The following ADGRV1 variants were observed in gnomAD, a reference collection of about 807,000 sequenced individuals.
ADGRV1 encodes the protein adhesion G protein-coupled receptor V1.
Under a neutral mutation model 596.2 loss-of-function variants are expected in ADGRV1, and 359 were observed. That is an observed-to-expected ratio of 0.60 (90% CI 0.55 to 0.66). ADGRV1 has a LOEUF of 0.66. Ranked by LOEUF, ADGRV1 falls within the 30% of genes least tolerant of loss-of-function variation. The pLI, the probability that ADGRV1 is intolerant of heterozygous loss-of-function variation, is 0.00. For missense variants in ADGRV1, 7,274 were observed against 7,575.6 expected, an observed-to-expected ratio of 0.96 and a Z score of 1.48; for synonymous variants, 2,681 against 2,679.2, an observed-to-expected ratio of 1.00 and a Z score of -0.02.
chr5:90,695,030 T>A (rs1747008596), intron 33 of ADGRV1, among the ~76,000 whole-genome samples: 1 of 152,144 alleles, frequency 6.6e-6, no homozygotes, highest in Non-Finnish European at 1.5e-5. Context: ...TAAGGGAAAT[T>A]TTAATAATGA....
chr5:91,003,440 C>G (rs1288716002), intron 85 of ADGRV1, among the ~76,000 whole-genome samples: 1 of 152,200 alleles, frequency 6.6e-6, no homozygotes, highest in Non-Finnish European at 1.5e-5. Flanking sequence ...CTGCTTAAAA[C>G]ACAGTCACTG....
At chr5:90,711,105 T>C (rs1489184105) in intron 40 of ADGRV1, 46 bp downstream of exon 40, 1 of 1,574,760 alleles carries the variant, frequency 6.4e-7, no homozygotes. Flanking sequence ...TTTCATATTA[T>C]TTACTATCTA....
chr5:90,635,074 T>A, intron 9 of ADGRV1, 40 bp from the exon 10 acceptor site: 1 of 1,340,700 alleles, frequency 7.5e-7, no homozygotes, highest in Non-Finnish European at 1.0e-6. Flanking sequence ...ATTTATATTC[T>A]ATCAATTCTT....
At chr5:91,148,370 C>T (rs1191982751) in intron 87 of ADGRV1, among the ~76,000 whole-genome samples, 1 of 152,144 alleles carries the variant, frequency 6.6e-6, no homozygotes, top group Non-Finnish European at 1.5e-5. Flanking sequence ...TCCAGGGCCC[C>T]GCTGCTGTGT....
At chr5:90,667,503 T>C (rs1031153252) in intron 21 of ADGRV1, among the ~76,000 whole-genome samples, 1 of 147,872 alleles carries the variant, frequency 6.8e-6, no homozygotes, top group African/African-American at 2.5e-5. Context: ...ATTCTAGTTA[T>C]ACATTCTTCT....
intron 29 of ADGRV1, among the ~76,000 whole-genome samples, chr5:90,686,786 C>T (rs1389481061): frequency 6.6e-6 from 1 of 152,142 alleles, no homozygotes; most frequent in East Asian, 1.9e-4. Flanking sequence ...TGAGGAATCG[C>T]CACGCTGACT....
At chr5:90,809,293 T>C (rs867908775) in intron 73 of ADGRV1, among the ~76,000 whole-genome samples, 1 of 134,538 alleles carries the variant, frequency 7.4e-6, no homozygotes, top group Admixed American at 7.6e-5. Context: ...CGGGCATAAA[T>C]ACACACACAC....
intron 83 of ADGRV1, among the ~76,000 whole-genome samples, chr5:90,916,114 C>T (rs557372126): frequency 6.6e-6 from 1 of 151,426 alleles, no homozygotes; most frequent in African/African-American, 2.4e-5. Context: ...TCATTGGCCT[C>T]TCACTGAGTA....
In ADGRV1 at chr5:90,694,124, T is replaced by G. The variant is rs754306434; in HGVS notation, c.7368T>G (p.Ser2456Arg). ...CTTGCTCAGCGTTTTCATTTTTCAG[T>G]GCTTCTGAGGGTCCCCAGTGTTTCT... ...EQACSAFSFF[S>R]ASEGPQCFWM... The change falls in exon 33 of 90, where the codon AGT (serine) becomes AGG (arginine). Residue 2456 changes from serine (S) to arginine (R), a missense_variant. Transcript: ENST00000405460. 6.2e-7 allele frequency: 1 copy of G among 1,613,822 alleles called. No individual in the cohort carries two copies. The highest frequency in any genetic ancestry group is 8.5e-7 in the Non-Finnish European group (1 of 1,179,826).
intron 83 of ADGRV1, among the ~76,000 whole-genome samples, chr5:90,948,744 G>T (rs556079228): frequency 6.6e-6 from 1 of 152,002 alleles, no homozygotes; most frequent in Non-Finnish European, 1.5e-5. Flanking sequence ...ATCATCTAAC[G>T]CAAAGTCTAT....
rs189135502 is a variant in ADGRV1, at chr5:90,698,947, G to C, written c.8155+1801G>C. Among the ~76,000 whole-genome samples the C allele has an allele frequency of 5.5e-4, 83 of 152,120 alleles. No individual in the cohort carries two copies. The Middle Eastern group carries it at 0.024, about 44-fold the overall frequency. On this transcript the variant is annotated intron_variant, in intron 34 of 89. Coordinates refer to ENST00000405460, the MANE Select transcript of ADGRV1 (RefSeq NM_032119.4). ...CAAAAAGGGGAGTTAGATCTCAAAT[G>C]GGCCAAATAAAACAGTGGCAATGGT...
In ADGRV1 at chr5:90,595,554, G is replaced by A. The variant is rs1348738327; in HGVS notation, c.23-19281G>A. On this transcript the variant is annotated intron_variant, in intron 1 of 89. Transcript: ENST00000405460. ...CACCTCCTGGACGGGGCGGCTGGCC[G>A]GGCGGGGGGCTGACCCCCCAACCTC... is the stretch of plus-strand genomic sequence containing the variant. 1.5e-4 allele frequency among the ~76,000 whole-genome samples: 19 copies of A among 126,960 alleles called. 1 individual carries two copies. Among genetic ancestry groups the A allele is most frequent in the South Asian group, 2.5e-4 (1 of 3,984 alleles). The allele number at this position is 126,960 out of a possible 152,430, so 83.3% of individuals were successfully genotyped here. A position where few individuals can be genotyped will look rare whatever the true frequency, so the allele number is the denominator to read the frequency against.
intron 1 of ADGRV1, among the ~76,000 whole-genome samples, chr5:90,600,959 G>A (rs956926986): frequency 1.3e-5 from 2 of 151,880 alleles, no homozygotes; most frequent in African/African-American, 4.8e-5. Flanking sequence ...AAACCCGGCC[G>A]AGCGCAGTGG....
At chr5:91,136,206 C>T (rs1038469530) in intron 87 of ADGRV1, among the ~76,000 whole-genome samples, 15 of 152,230 alleles carry the variant, frequency 9.9e-5, no homozygotes, top group African/African-American at 3.6e-4. Flanking sequence ...TATTAGGGAA[C>T]CACTGAAACA....
intron 83 of ADGRV1, among the ~76,000 whole-genome samples, chr5:90,884,687 T>C (rs1334019429): frequency 2.6e-5 from 4 of 152,164 alleles, no homozygotes; most frequent in African/African-American, 9.7e-5. Flanking sequence ...TTTCAACTTT[T>C]TGTAAAAACT....
intron 83 of ADGRV1, among the ~76,000 whole-genome samples, chr5:90,922,827 A>T (rs1774007714): frequency 6.6e-6 from 1 of 152,204 alleles, no homozygotes; most frequent in Non-Finnish European, 1.5e-5. Flanking sequence ...CAGGCTTTAG[A>T]AATAGCATTC....
rs1026858305 is a variant in ADGRV1 at position 90,976,330 on chromosome 5, A to G, written c.17974-9014A>G. Among the ~76,000 whole-genome samples the G allele has an allele frequency of 2.0e-3, 289 of 140,996 alleles. 3 individuals carry two copies. Among genetic ancestry groups the G allele is most frequent in the African/African-American group, 7.2e-3 (277 of 38,622 alleles). The allele number at this position is 140,996 out of a possible 152,430, so 92.5% of individuals were successfully genotyped here. A position where few individuals can be genotyped will look rare whatever the true frequency, so the allele number is the denominator to read the frequency against. ...TGTGTGTGTGTGTGTGTGTATATAT[A>G]TATATATATATATATATATGTATAT... On this transcript the variant is annotated intron_variant, in intron 84 of 89. Transcript: ENST00000405460.
At chr5:91,008,112 ATC>A in intron 85 of ADGRV1, among the ~76,000 whole-genome samples, 1 of 152,286 alleles carries the variant, frequency 6.6e-6, no homozygotes, top group African/African-American at 2.4e-5. Context: ...TCAAATATTT[ATC>A]TCTCATAAAT....
At chr5:91,143,588 A>T (rs370479379) in intron 87 of ADGRV1, among the ~76,000 whole-genome samples, 1 of 152,182 alleles carries the variant, frequency 6.6e-6, no homozygotes, top group East Asian at 1.9e-4. Context: ...AGGCTGGCTG[A>T]ATCTGGAGTT....
Sources: allele counts gnomAD v4.1 joint callset (sites outside exome capture counted in the v4.1 genomes callset), GRCh38; gene constraint gnomAD v4.1.1; transcripts MANE v1.5; gene names NCBI Gene and HGNC (gene_info 2026-07-23, HGNC 2026-07-21).